The following LIN52 variants were observed in gnomAD, a reference collection of about 807,000 sequenced individuals.
LIN52 encodes lin-52 DREAM MuvB core complex component, also known as protein lin-52 homolog.
Under a neutral mutation model 18.5 loss-of-function variants are expected in LIN52, and 4 were observed. That is an observed-to-expected ratio of 0.22 (90% CI 0.11 to 0.49). The LOEUF is 0.49. LIN52 is among the 20% of genes least tolerant of loss of function. The probability of loss-of-function intolerance (pLI) is 0.97; values close to 1 mark genes in which losing one functional copy is unlikely to be tolerated. For synonymous variants in LIN52, 34 were observed against 45.5 expected (o/e 0.75, Z 1.02); for missense variants, 102 against 139.5 (o/e 0.73, Z 1.35).
In LIN52 at chr14:74,164,492, T is replaced by C. The variant is rs181242455; in HGVS notation, c.284-34430T>C. 3.7e-3 allele frequency among the ~76,000 whole-genome samples: 568 copies of C among 151,906 alleles called. 3 individuals are homozygous for C. Among genetic ancestry groups the C allele is most frequent in the Admixed American group, 6.0e-3 (92 of 15,250 alleles). ...GTAGAGACAGGGTTTCACCATGTTG[T>C]CCAGGCTGGTCTCGAACTCCTGACT... On this transcript the variant is annotated intron_variant, in intron 5 of 5. Coordinates refer to ENST00000555028, the MANE Select transcript of LIN52 (RefSeq NM_001024674.3).
intron 5 of LIN52, among the ~76,000 whole-genome samples, chr14:74,123,258 G>A (rs1354229721): frequency 6.6e-6 from 1 of 152,172 alleles, no homozygotes; most frequent in Non-Finnish European, 1.5e-5. Flanking sequence ...ACAATGGTAA[G>A]CCCTTGAACT....
chr14:74,191,604 A>T (rs772489783), intron 5 of LIN52, among the ~76,000 whole-genome samples: 77 of 151,808 alleles, frequency 5.1e-4, no homozygotes, highest in Admixed American at 9.2e-4. Context: ...TAGCACATTG[A>T]TTTAAACTAA....
At chr14:74,198,862 T>C (rs2078930642) in intron 5 of LIN52, 60 bp from the exon 6 acceptor site, 2 of 1,217,644 alleles carry the variant, frequency 1.6e-6, no homozygotes, top group South Asian at 2.4e-5. Context: ...TAAATCTTCC[T>C]ATGATTCTTT....
At chr14:74,154,891 T>G (rs1399020052) in intron 5 of LIN52, among the ~76,000 whole-genome samples, 1 of 152,228 alleles carries the variant, frequency 6.6e-6, no homozygotes. Context: ...TTTAACTCAC[T>G]GAGGTCCTCA....
chr14:74,190,343 T>C (rs2061358184), intron 5 of LIN52, among the ~76,000 whole-genome samples: 2 of 152,014 alleles, frequency 1.3e-5, no homozygotes, highest in South Asian at 2.1e-4. Context: ...CTCAGGTATA[T>C]AGTATTTTAG....
chr14:74,126,499 A>G (rs2061030930), intron 5 of LIN52, among the ~76,000 whole-genome samples: 1 of 152,260 alleles, frequency 6.6e-6, no homozygotes, highest in Non-Finnish European at 1.5e-5. Context: ...CCATCAACAG[A>G]TGAATGAATA....
At chr14:74,173,927 G>A (rs190438298) in intron 5 of LIN52, among the ~76,000 whole-genome samples, 1 of 152,328 alleles carries the variant, frequency 6.6e-6, no homozygotes, top group African/African-American at 2.4e-5. Context: ...GACAGGGCAA[G>A]CTTCCTTTGT....
intron 5 of LIN52, among the ~76,000 whole-genome samples, chr14:74,114,720 A>G (rs2060953698): frequency 6.6e-6 from 1 of 152,220 alleles, no homozygotes; most frequent in South Asian, 2.1e-4. Flanking sequence ...TATTAATAAG[A>G]TATCTAGTTC....
chr14:74,196,541 G>A (rs568683030), intron 5 of LIN52, among the ~76,000 whole-genome samples: 5 of 152,184 alleles, frequency 3.3e-5, no homozygotes, highest in East Asian at 3.9e-4. Context: ...TTAGTTACAT[G>A]TTTAAACTTG....
At chr14:74,195,828 A>C (rs984705816) in intron 5 of LIN52, among the ~76,000 whole-genome samples, 1 of 152,218 alleles carries the variant, frequency 6.6e-6, no homozygotes, top group Non-Finnish European at 1.5e-5. Flanking sequence ...TTCGCCCTGC[A>C]GCAGAGCAAG....
intron 5 of LIN52, among the ~76,000 whole-genome samples, chr14:74,131,022 A>G (rs909472139): frequency 6.6e-6 from 1 of 151,868 alleles, no homozygotes; most frequent in African/African-American, 2.4e-5. Context: ...CCTGGGCTCA[A>G]GCATTTCTCC....
intron 5 of LIN52, among the ~76,000 whole-genome samples, chr14:74,157,664 G>A (rs545350011): frequency 6.6e-6 from 1 of 151,808 alleles, no homozygotes; most frequent in South Asian, 2.1e-4. Flanking sequence ...AGATGGGATT[G>A]CTCTGTGCTG....
intron 5 of LIN52, among the ~76,000 whole-genome samples, chr14:74,110,568 G>A (rs2060920068): frequency 6.6e-6 from 1 of 152,142 alleles, no homozygotes; most frequent in Non-Finnish European, 1.5e-5. Flanking sequence ...TACTCAGGAG[G>A]CTGAGGCAGG....
chr14:74,197,633 A>T (rs1475326057), intron 5 of LIN52, among the ~76,000 whole-genome samples: 1 of 152,226 alleles, frequency 6.6e-6, no homozygotes, highest in Non-Finnish European at 1.5e-5. Context: ...TTGTGAGCAC[A>T]TGAGGCAAGA....
chr14:74,140,933 T>G (rs551542244), intron 5 of LIN52, among the ~76,000 whole-genome samples: 1 of 152,308 alleles, frequency 6.6e-6, no homozygotes, highest in South Asian at 2.1e-4. Context: ...TGTGCGTTTT[T>G]CTCTTCTGTC....
intron 5 of LIN52, among the ~76,000 whole-genome samples, chr14:74,128,194 G>C (rs962458654): frequency 5.9e-5 from 9 of 152,204 alleles, no homozygotes; most frequent in African/African-American, 1.4e-4. Flanking sequence ...TCCAGGCTGT[G>C]GTGCAGGGAG....
At chr14:74,114,017 G>T in intron 5 of LIN52, 1 of 289,972 alleles carries the variant, frequency 3.4e-6, no homozygotes, top group Non-Finnish European at 5.1e-6. Context: ...GTCTCCCTCT[G>T]TCACCCAGGC....
At chr14:74,142,793 G>A (rs1841354399) in intron 5 of LIN52, among the ~76,000 whole-genome samples, 1 of 145,698 alleles carries the variant, frequency 6.9e-6, no homozygotes, top group African/African-American at 2.5e-5. Context: ...GAAACAGACT[G>A]AATGTGGCCC....
intron 5 of LIN52, among the ~76,000 whole-genome samples, chr14:74,122,699 C>T (rs2061007011): frequency 6.6e-6 from 1 of 152,096 alleles, no homozygotes; most frequent in Non-Finnish European, 1.5e-5. Context: ...AACCCTGTCT[C>T]TACTAAAAAT....
Sources: gnomAD v4.1 joint callset for allele counts (sites outside exome capture counted in the v4.1 genomes callset) on GRCh38, gnomAD v4.1.1 for gene constraint, MANE v1.5 for transcripts, NCBI Gene and HGNC (gene_info 2026-07-23, HGNC 2026-07-21) for gene names.